CNTN4: variants seen among roughly 807,000 people sequenced by gnomAD.
CNTN4 encodes the protein contactin-4.
A neutral mutation model predicts 122.5 loss-of-function variants in CNTN4; 77 were observed. The ratio of observed to expected loss-of-function variants is 0.63; its 90% CI spans 0.52 to 0.76. The LOEUF is 0.76. CNTN4 is among the 30% of genes least tolerant of loss of function. The probability of loss-of-function intolerance (pLI) is 0.00; values close to 1 mark genes in which losing one functional copy is unlikely to be tolerated. For missense variants in CNTN4, 1,256 were observed against 1,259.1 expected, an observed-to-expected ratio of 1.00 and a Z score of 0.04; for synonymous variants, 512 against 447.0, an observed-to-expected ratio of 1.15 and a Z score of -1.83.
chr3:2,734,038 G>A (rs1576606900), intron 4 of CNTN4, among the ~76,000 whole-genome samples: 1 of 152,042 alleles, frequency 6.6e-6, no homozygotes, highest in Non-Finnish European at 1.5e-5. Flanking sequence ...ATTCCTGGCT[G>A]TTTTCCCTGT....
chr3:2,908,067 A>G (rs1418133652), intron 12 of CNTN4, among the ~76,000 whole-genome samples: 1 of 152,080 alleles, frequency 6.6e-6, no homozygotes, highest in East Asian at 1.9e-4. Flanking sequence ...CACTTGTGGG[A>G]TATATCCCTG....
intron 2 of CNTN4, among the ~76,000 whole-genome samples, chr3:2,185,572 G>A (rs2037214576): frequency 6.6e-6 from 1 of 152,114 alleles, no homozygotes; most frequent in Admixed American, 6.5e-5. Flanking sequence ...TGGGGATGAG[G>A]CTGTGAGCCA....
rs575192976 is a variant in CNTN4 at position 2,300,560 on chromosome 3, C to CTTTTT, written c.-144-38592_-144-38588dup. Among the ~76,000 whole-genome samples, 64 of 62,026 alleles carry CTTTTT rather than the reference C, an allele frequency of 1.0e-3. 8 individuals are homozygous for CTTTTT. Among genetic ancestry groups the CTTTTT allele is most frequent in the Non-Finnish European group, 1.6e-3 (49 of 30,702 alleles). The allele number at this position is 62,026 out of a possible 152,430, so 40.7% of individuals were successfully genotyped here. A position where few individuals can be genotyped will look rare whatever the true frequency, so the allele number is the denominator to read the frequency against. On this transcript the variant is annotated intron_variant, in intron 2 of 24. Transcript: ENST00000418658. ...ATGAGTTTATTTACACAGTGACCGT[C>CTTTTT]TTTTTTTTTTTTTTTTTTTTTTTTT...
At chr3:2,590,964 C>T (rs1204680656) in intron 4 of CNTN4, among the ~76,000 whole-genome samples, 1 of 152,066 alleles carries the variant, frequency 6.6e-6, no homozygotes, top group Non-Finnish European at 1.5e-5. Flanking sequence ...AGGCATATAA[C>T]TGTGAAATCA....
chr3:2,271,878 T>G (rs1292078662), intron 2 of CNTN4, among the ~76,000 whole-genome samples: 1 of 152,148 alleles, frequency 6.6e-6, no homozygotes, highest in Non-Finnish European at 1.5e-5. Flanking sequence ...ACTTTCTATA[T>G]CAGAATTTAA....
intron 3 of CNTN4, among the ~76,000 whole-genome samples, chr3:2,557,856 C>G (rs1425850116): frequency 6.6e-6 from 1 of 151,892 alleles, no homozygotes; most frequent in Non-Finnish European, 1.5e-5. Flanking sequence ...ACAACATTGA[C>G]TATATTGATT....
At chr3:2,639,855 A>G (rs377521089) in intron 4 of CNTN4, among the ~76,000 whole-genome samples, 6 of 152,204 alleles carry the variant, frequency 3.9e-5, no homozygotes, top group African/African-American at 1.2e-4. Flanking sequence ...GCTTGACTGA[A>G]TTGACTGGTT....
chr3:2,381,204 C>T (rs371534542), intron 3 of CNTN4, among the ~76,000 whole-genome samples: 5 of 152,098 alleles, frequency 3.3e-5, no homozygotes, highest in African/African-American at 1.2e-4. Flanking sequence ...GATGGGGTTT[C>T]ACCATGTTAG....
intron 12 of CNTN4, among the ~76,000 whole-genome samples, chr3:2,921,479 T>C (rs2094429608): frequency 6.6e-6 from 1 of 152,216 alleles, no homozygotes; most frequent in African/African-American, 2.4e-5. Context: ...ACCAATATTT[T>C]CTCCTCAGTA....
At chr3:2,232,090 C>A (rs1164888383) in intron 2 of CNTN4, among the ~76,000 whole-genome samples, 1 of 152,108 alleles carries the variant, frequency 6.6e-6, no homozygotes, top group East Asian at 1.9e-4. Flanking sequence ...TGACTCTCTT[C>A]TGAGACCTGT....
intron 14 of CNTN4, among the ~76,000 whole-genome samples, chr3:3,003,064 T>TTTAC (rs1440497826): frequency 2.0e-5 from 3 of 152,150 alleles, no homozygotes; most frequent in East Asian, 3.8e-4. Context: ...TGACATTGAT[T>TTTAC]TTACACAGTA....
At chr3:2,818,052 G>A (rs1322771303) in intron 6 of CNTN4, among the ~76,000 whole-genome samples, 2 of 152,132 alleles carry the variant, frequency 1.3e-5, no homozygotes, top group African/African-American at 2.4e-5. Flanking sequence ...ACTTTTCACA[G>A]CCCAAACCTG....
chr3:2,830,878 T>C (rs1576974694), intron 7 of CNTN4, among the ~76,000 whole-genome samples: 5 of 152,248 alleles, frequency 3.3e-5, no homozygotes, highest in Admixed American at 3.3e-4. Context: ...AGCAGGATAA[T>C]GATGCAGTAC....
At chr3:2,399,269 T>C (rs143214587) in intron 3 of CNTN4, among the ~76,000 whole-genome samples, 67 of 152,204 alleles carry the variant, frequency 4.4e-4, no homozygotes, top group Middle Eastern at 6.8e-3. Context: ...ATAGTAAGCA[T>C]GTTCAGCTTC....
chr3:2,899,034 AC>A (rs2094144676), intron 10 of CNTN4, among the ~76,000 whole-genome samples: 1 of 152,140 alleles, frequency 6.6e-6, no homozygotes, highest in Non-Finnish European at 1.5e-5. Flanking sequence ...TTTGAAGTTG[AC>A]CCTTTTGGCC....
At chr3:2,576,087 G>A (rs565412111) in intron 4 of CNTN4, among the ~76,000 whole-genome samples, 6 of 152,010 alleles carry the variant, frequency 3.9e-5, no homozygotes, top group East Asian at 1.9e-4. Context: ...TGCCCACCTC[G>A]GCCTCCCAGA....
rs1470021664 is a variant in CNTN4, at chr3:2,493,523, C to T, written c.-88-77893C>T. Among the ~76,000 whole-genome samples, 8 of 150,304 alleles carry T rather than the reference C, an allele frequency of 5.3e-5. 1 individual carries two copies. The South Asian group carries it at 1.3e-3, about 24-fold the overall frequency. ...TGGTGTCTTCTCATGAACTAGAAAT[C>T]TTATTTTTAGAATATTCTTCCAGTG... is the stretch of plus-strand genomic sequence containing the variant. On this transcript the variant is annotated intron_variant, in intron 3 of 24. Transcript: ENST00000418658.
chr3:2,915,465 T>C (rs1169785412), intron 12 of CNTN4, among the ~76,000 whole-genome samples: 1 of 152,248 alleles, frequency 6.6e-6, no homozygotes, highest in Non-Finnish European at 1.5e-5. Context: ...ACTTCTTTCC[T>C]TTCCAATTTG....
intron 7 of CNTN4, among the ~76,000 whole-genome samples, chr3:2,842,605 C>G (rs137969109): frequency 6.6e-6 from 1 of 152,172 alleles, no homozygotes. Flanking sequence ...TTCTCTTTCA[C>G]GGACTCTTAC....
Sources: gnomAD v4.1 joint callset for allele counts (sites outside exome capture counted in the v4.1 genomes callset) on GRCh38, gnomAD v4.1.1 for gene constraint, MANE v1.5 for transcripts, NCBI Gene and HGNC (gene_info 2026-07-23, HGNC 2026-07-21) for gene names.